Variants in MAGI2 observed in about 807,000 individuals in gnomAD.
The protein encoded by MAGI2 is membrane associated guanylate kinase, WW and PDZ domain containing 2.
A neutral mutation model predicts 133.3 loss-of-function variants in MAGI2; 35 were observed. The ratio of observed to expected loss-of-function variants is 0.26; its 90% CI spans 0.20 to 0.35. The LOEUF is 0.35. Ranked by LOEUF, MAGI2 falls within the 10% of genes least tolerant of loss-of-function variation. MAGI2 has a pLI of 1.00. For missense variants in MAGI2, 1,636 were observed against 1,863.4 expected, an observed-to-expected ratio of 0.88 and a Z score of 2.25; for synonymous variants, 729 against 710.6, an observed-to-expected ratio of 1.03 and a Z score of -0.41.
intron 2 of MAGI2, among the ~76,000 whole-genome samples, chr7:78,762,558 T>C (rs1208788995): frequency 1.3e-5 from 2 of 152,210 alleles, no homozygotes; most frequent in Non-Finnish European, 2.9e-5. Context: ...TTCCTTTCGC[T>C]ATGTGAACAA....
chr7:78,753,407 T>A (rs1005915436), intron 2 of MAGI2, among the ~76,000 whole-genome samples: 3 of 151,824 alleles, frequency 2.0e-5, no homozygotes, highest in Admixed American at 6.6e-5. Context: ...ATAAAAACCA[T>A]CCAACTTTAA....
chr7:78,840,344 A>G (rs1477708404), intron 2 of MAGI2, among the ~76,000 whole-genome samples: 1 of 152,070 alleles, frequency 6.6e-6, no homozygotes, highest in Non-Finnish European at 1.5e-5. Context: ...AGTATGATCA[A>G]GCCATGTAGA....
chr7:78,789,366 A>G (rs1450719938), intron 2 of MAGI2, among the ~76,000 whole-genome samples: 2 of 152,202 alleles, frequency 1.3e-5, no homozygotes, highest in Admixed American at 6.5e-5. Context: ...CAATTATCTA[A>G]GTAGCCAATA....
intron 10 of MAGI2, among the ~76,000 whole-genome samples, chr7:78,222,592 T>TTTTTATACCATA: frequency 6.6e-6 from 1 of 152,296 alleles, no homozygotes. Flanking sequence ...GAACCTAAGG[T>TTTTTATACCATA]TCTTAATCAT....
chr7:79,284,005 G>T (rs1585424685), intron 1 of MAGI2, among the ~76,000 whole-genome samples: 1 of 152,012 alleles, frequency 6.6e-6, no homozygotes, highest in Non-Finnish European at 1.5e-5. Flanking sequence ...ATGCTATATA[G>T]GTTTGTAGCC....
chr7:78,185,969 A>AG (rs1351581171), intron 12 of MAGI2, among the ~76,000 whole-genome samples: 1 of 152,212 alleles, frequency 6.6e-6, no homozygotes, highest in Non-Finnish European at 1.5e-5. Context: ...TTTCATTATA[A>AG]GAATACTTAT....
At chr7:79,120,733 T>C (rs1819822583) in intron 1 of MAGI2, among the ~76,000 whole-genome samples, 1 of 152,066 alleles carries the variant, frequency 6.6e-6, no homozygotes, top group South Asian at 2.1e-4. Flanking sequence ...TAGTGGTTGT[T>C]ACAAATTTTA....
At chr7:78,136,412 G>A (rs1563168384) in intron 16 of MAGI2, among the ~76,000 whole-genome samples, 1 of 152,166 alleles carries the variant, frequency 6.6e-6, no homozygotes, top group Non-Finnish European at 1.5e-5. Context: ...GAGCCACCAT[G>A]CTCGGCCTAT....
chr7:79,013,669 C>A (rs1039986928), intron 1 of MAGI2, among the ~76,000 whole-genome samples: 6 of 152,110 alleles, frequency 3.9e-5, no homozygotes, highest in Non-Finnish European at 1.5e-5. Context: ...GCCTCCATTC[C>A]CTTTTTAGGT....
At chr7:78,346,388 C>A (rs144203584) in intron 7 of MAGI2, among the ~76,000 whole-genome samples, 2,324 of 152,258 alleles carry the variant, frequency 0.015, 67 homozygotes, top group African/African-American at 0.053. Flanking sequence ...GAAATTTATA[C>A]TGAATGGTAT....
rs115726581 is a variant in MAGI2, at chr7:78,722,028, C to T, written c.419-94789G>A. On this transcript the variant is annotated intron_variant, in intron 2 of 21. Transcript: ENST00000354212. ...AAACTTTTTTATTTGTAAAATATAT[C>T]TTGTTCCAAGGAAATAAGTATACGT... is the stretch of plus-strand genomic sequence containing the variant. 3.0e-3 allele frequency among the ~76,000 whole-genome samples: 460 copies of T among 151,304 alleles called. 6 individuals carry two copies. Among genetic ancestry groups the T allele is most frequent in the African/African-American group, 0.011 (447 of 41,412 alleles).
At chr7:78,579,630 T>C (rs1242513565) in intron 3 of MAGI2, among the ~76,000 whole-genome samples, 2 of 152,186 alleles carry the variant, frequency 1.3e-5, no homozygotes, top group African/African-American at 4.8e-5. Context: ...TTGCTTCCCC[T>C]AGAGACTCAG....
chr7:78,188,736 A>G (rs186388046), intron 12 of MAGI2, among the ~76,000 whole-genome samples: 29 of 152,276 alleles, frequency 1.9e-4, no homozygotes, highest in African/African-American at 7.0e-4. Context: ...GGAAGGCATG[A>G]TGGCCTTTCA....
chr7:78,513,998 G>T (rs1795824207), intron 4 of MAGI2, among the ~76,000 whole-genome samples: 1 of 141,528 alleles, frequency 7.1e-6, no homozygotes, highest in Non-Finnish European at 1.5e-5. Context: ...TGAGGCAGGA[G>T]AATTGCTTGA....
intron 3 of MAGI2, among the ~76,000 whole-genome samples, chr7:78,583,144 A>G (rs1455954048): frequency 6.6e-6 from 1 of 152,168 alleles, no homozygotes; most frequent in Non-Finnish European, 1.5e-5. Context: ...TTGCTAACAC[A>G]CTTTATAACA....
At chr7:78,230,701 A>G (rs1404083401) in intron 10 of MAGI2, among the ~76,000 whole-genome samples, 1 of 152,164 alleles carries the variant, frequency 6.6e-6, no homozygotes, top group Non-Finnish European at 1.5e-5. Context: ...AAAGAGAAAC[A>G]ATTGGAAGGC....
In MAGI2 at chr7:78,910,605, C is replaced by T. The variant is rs530155577; in HGVS notation, c.418+96485G>A. On this transcript the variant is annotated intron_variant, in intron 2 of 21. Coordinates refer to ENST00000354212, the MANE Select transcript of MAGI2 (RefSeq NM_012301.4). ...TAAAAATTGTGGTGCTTTTCTCTTGCCCAAGTTAACTATTGCAAGGTTTCA... is the reference window on the plus strand; with the variant it reads ...TAAAAATTGTGGTGCTTTTCTCTTGTCCAAGTTAACTATTGCAAGGTTTCA... Among the ~76,000 whole-genome samples, 40 of 152,198 alleles carry T rather than the reference C, an allele frequency of 2.6e-4. No homozygotes were observed. In the South Asian group the frequency reaches 6.8e-3, roughly 26 times the overall value.
chr7:78,187,609 T>C (rs1052381837), intron 12 of MAGI2, among the ~76,000 whole-genome samples: 1 of 152,184 alleles, frequency 6.6e-6, no homozygotes, highest in Non-Finnish European at 1.5e-5. Flanking sequence ...ATGGAGAGCA[T>C]AACAATCATT....
chr7:79,110,711 T>C (rs930116534), intron 1 of MAGI2, among the ~76,000 whole-genome samples: 17 of 152,250 alleles, frequency 1.1e-4, no homozygotes, highest in African/African-American at 4.1e-4. Context: ...GTGAGAAGGA[T>C]TTGGGATTTG....
Sources: allele counts gnomAD v4.1 joint callset (sites outside exome capture counted in the v4.1 genomes callset), GRCh38; gene constraint gnomAD v4.1.1; transcripts MANE v1.5; gene names NCBI Gene and HGNC (gene_info 2026-07-23, HGNC 2026-07-21).